Variants in FBXO15 observed in about 807,000 individuals in gnomAD.
The protein encoded by FBXO15 is F-box protein 15.
A neutral mutation model predicts 49.5 loss-of-function variants in FBXO15; 30 were observed. The ratio of observed to expected loss-of-function variants is 0.61; its 90% CI spans 0.45 to 0.82. FBXO15 has a LOEUF of 0.82. Ranked by LOEUF, FBXO15 falls within the 40% of genes least tolerant of loss-of-function variation. The pLI is 0.00. For synonymous variants in FBXO15, 250 were observed against 232.7 expected (o/e 1.07, Z -0.68); for missense variants, 591 against 631.5 (o/e 0.94, Z 0.69).
chr18:74,090,909 G>A (rs1381279099), intron 8 of FBXO15, among the ~76,000 whole-genome samples: 1 of 152,028 alleles, frequency 6.6e-6, no homozygotes, highest in Non-Finnish European at 1.5e-5. Flanking sequence ...TTCTGTACAT[G>A]GCTATTTGGT....
intron 1 of FBXO15, among the ~76,000 whole-genome samples, chr18:74,144,558 G>A (rs181810904): frequency 8.1e-4 from 123 of 152,236 alleles, no homozygotes; most frequent in Admixed American, 1.8e-3. Context: ...CAGGTCCCCC[G>A]AAATCTGGGG....
intron 8 of FBXO15, among the ~76,000 whole-genome samples, chr18:74,121,784 AAAGAAG>A (rs1164475164): frequency 6.6e-6 from 1 of 152,224 alleles, no homozygotes; most frequent in South Asian, 2.1e-4. Flanking sequence ...GGCGAGGAGG[AAAGAAG>A]AAGAGCTCAC....
intron 8 of FBXO15, among the ~76,000 whole-genome samples, chr18:74,082,970 C>G (rs1055181046): frequency 1.3e-5 from 2 of 152,226 alleles, no homozygotes; most frequent in Non-Finnish European, 2.9e-5. Flanking sequence ...GCCTTGGGAG[C>G]CAAAGCTCTG....
intron 8 of FBXO15, among the ~76,000 whole-genome samples, chr18:74,102,215 C>A (rs929856535): frequency 6.6e-6 from 1 of 152,028 alleles, no homozygotes; most frequent in South Asian, 2.1e-4. Context: ...ATACATCTGA[C>A]AAAGGACTAA....
intron 8 of FBXO15, among the ~76,000 whole-genome samples, chr18:74,091,738 G>C (rs901710347): frequency 3.9e-5 from 6 of 152,172 alleles, no homozygotes; most frequent in Non-Finnish European, 7.4e-5. Flanking sequence ...TAGGGTTTCT[G>C]CTAAAAGGTC....
intron 3 of FBXO15, among the ~76,000 whole-genome samples, chr18:74,133,612 C>A (rs1978531409): frequency 6.6e-6 from 1 of 152,154 alleles, no homozygotes; most frequent in Admixed American, 6.5e-5. Flanking sequence ...CAAAGGAATA[C>A]TTGAGGCTGG....
chr18:74,089,147 C>T (rs1046071609), intron 8 of FBXO15, among the ~76,000 whole-genome samples: 3 of 152,094 alleles, frequency 2.0e-5, no homozygotes, highest in South Asian at 2.1e-4. Context: ...ACACACCCCT[C>T]GACAGGCCCC....
chr18:74,095,942 C>T (rs1341204504), intron 8 of FBXO15, among the ~76,000 whole-genome samples: 1 of 152,106 alleles, frequency 6.6e-6, no homozygotes, highest in Non-Finnish European at 1.5e-5. Context: ...GTCCCTGAGG[C>T]CACAGAGAAG....
At chr18:74,124,736 C>T (rs1264342546) in intron 6 of FBXO15, among the ~76,000 whole-genome samples, 165 bp from the exon 7 acceptor site, 1 of 152,218 alleles carries the variant, frequency 6.6e-6, no homozygotes, top group Non-Finnish European at 1.5e-5. Context: ...TATGTTACTA[C>T]TATCTAATAA....
At chr18:74,078,972 G>A (rs1912374645) in intron 9 of FBXO15, among the ~76,000 whole-genome samples, 1 of 152,106 alleles carries the variant, frequency 6.6e-6, no homozygotes, top group Non-Finnish European at 1.5e-5. Context: ...CTTTCTCATG[G>A]GCCACGGCCA....
rs556676984 is a variant in FBXO15, at chr18:74,142,222, C to T, written c.117-1910G>A. 1.9e-4 allele frequency among the ~76,000 whole-genome samples: 29 copies of T among 152,158 alleles called. 1 individual carries two copies. Among genetic ancestry groups the T allele is most frequent in the Non-Finnish European group, 5.9e-5 (4 of 68,026 alleles). The stretch of plus-strand genomic sequence containing the variant: ...CAGGGAGAAAGGACAGGAAGAAATG[C>T]TAATTGGGACATTTTTGCAATACCC... On this transcript the variant is annotated intron_variant, in intron 1 of 9. Coordinates refer to ENST00000419743, the MANE Select transcript of FBXO15 (RefSeq NM_001142958.2).
intron 8 of FBXO15, chr18:74,100,069 A>G (rs891021314): frequency 1.3e-5 from 2 of 152,222 alleles, no homozygotes; most frequent in Non-Finnish European, 2.9e-5. Flanking sequence ...AAATGGACAT[A>G]ACAGATACTT....
intron 1 of FBXO15, among the ~76,000 whole-genome samples, chr18:74,145,782 T>C (rs9945274): frequency 0.087 from 13,279 of 151,946 alleles, 1,074 homozygotes; most frequent in African/African-American, 0.21. Flanking sequence ...GTATTTTTAG[T>C]AGAGACGGGG....
chr18:74,128,656 T>C (rs1978301945), intron 5 of FBXO15, among the ~76,000 whole-genome samples: 1 of 152,196 alleles, frequency 6.6e-6, no homozygotes, highest in Non-Finnish European at 1.5e-5. Flanking sequence ...GAGGATGCTA[T>C]GCATGCCATA....
intron 8 of FBXO15, among the ~76,000 whole-genome samples, chr18:74,104,455 T>G (rs1599153925): frequency 6.6e-6 from 1 of 152,236 alleles, no homozygotes; most frequent in East Asian, 1.9e-4. Flanking sequence ...GAATGTAAAT[T>G]GACTCAATTC....
At chr18:74,131,576 A>G (rs1978394444) in intron 3 of FBXO15, among the ~76,000 whole-genome samples, 1 of 152,184 alleles carries the variant, frequency 6.6e-6, no homozygotes, top group South Asian at 2.1e-4. Context: ...ATCTCTACTA[A>G]GAGGGCAGGA....
chr18:74,073,862 T>A, intron 9 of FBXO15, 132 bp from the exon 10 acceptor site: 1 of 1,107,954 alleles, frequency 9.0e-7, no homozygotes, highest in Non-Finnish European at 1.3e-6. Context: ...ATCATTGGTT[T>A]TTCATGGCCT....
At chr18:74,121,777 G>A (rs976382196) in intron 8 of FBXO15, among the ~76,000 whole-genome samples, 36 of 152,152 alleles carry the variant, frequency 2.4e-4, no homozygotes, top group Middle Eastern at 3.2e-3. Context: ...GGGTGGGGGC[G>A]AGGAGGAAAG....
intron 3 of FBXO15, among the ~76,000 whole-genome samples, chr18:74,133,434 C>CT (rs966168630): frequency 2.6e-5 from 4 of 152,158 alleles, no homozygotes; most frequent in African/African-American, 9.7e-5. Context: ...AATGTATCAG[C>CT]TTATCTGAAG....
Sources: gnomAD v4.1 joint callset for allele counts (sites outside exome capture counted in the v4.1 genomes callset) on GRCh38, gnomAD v4.1.1 for gene constraint, MANE v1.5 for transcripts, NCBI Gene and HGNC (gene_info 2026-07-23, HGNC 2026-07-21) for gene names.